The following OXCT1 variants were observed in gnomAD, a reference collection of about 807,000 sequenced individuals.
The protein encoded by OXCT1 is 3-oxoacid CoA-transferase 1, also known as succinyl-CoA:3-ketoacid coenzyme A transferase 1, mitochondrial.
OXCT1 carries 27 observed loss-of-function variants against 69.6 expected under a neutral mutation model. The observed-to-expected ratio is 0.39, with a 90% CI of 0.29 to 0.54. The LOEUF is 0.54. Ranked by LOEUF, OXCT1 falls within the 20% of genes least tolerant of loss-of-function variation. OXCT1 has a pLI of 0.72. For missense variants in OXCT1, 437 were observed against 650.2 expected, an observed-to-expected ratio of 0.67 and a Z score of 3.57; for synonymous variants, 202 against 217.8, an observed-to-expected ratio of 0.93 and a Z score of 0.64.
chr5:41,798,577 A>G (rs1399206658), intron 11 of OXCT1, among the ~76,000 whole-genome samples: 1 of 152,226 alleles, frequency 6.6e-6, no homozygotes, highest in Non-Finnish European at 1.5e-5. Context: ...ACTAGTGCAG[A>G]GAGGACATGG....
intron 13 of OXCT1, among the ~76,000 whole-genome samples, chr5:41,774,170 AAC>A (rs1347715413): frequency 6.6e-6 from 1 of 152,230 alleles, no homozygotes; most frequent in Non-Finnish European, 1.5e-5. Flanking sequence ...TTTGGAAGAA[AAC>A]ACATTCTGTT....
At chr5:41,818,570 CTCT>C (rs1747369460) in intron 7 of OXCT1, among the ~76,000 whole-genome samples, 1 of 152,170 alleles carries the variant, frequency 6.6e-6, no homozygotes, top group Admixed American at 6.6e-5. Context: ...CTGGGACAGT[CTCT>C]TCTGATTATT....
intron 13 of OXCT1, among the ~76,000 whole-genome samples, chr5:41,788,197 A>C (rs998114557): frequency 3.9e-5 from 6 of 152,186 alleles, no homozygotes; most frequent in African/African-American, 1.4e-4. Flanking sequence ...GTAGATTGTG[A>C]TTAAAATATG....
chr5:41,813,553 C>A (rs192306050), intron 7 of OXCT1, among the ~76,000 whole-genome samples: 1 of 152,074 alleles, frequency 6.6e-6, no homozygotes, highest in Middle Eastern at 3.2e-3. Flanking sequence ...CTTTGTCCTA[C>A]GCTGTTCAGT....
intron 13 of OXCT1, among the ~76,000 whole-genome samples, chr5:41,775,973 C>G (rs528705917): frequency 6.6e-6 from 1 of 151,862 alleles, no homozygotes; most frequent in Non-Finnish European, 1.5e-5. Flanking sequence ...CCACAGAGAA[C>G]GAAGTAGGGA....
intron 10 of OXCT1, among the ~76,000 whole-genome samples, chr5:41,801,956 A>G (rs942691920): frequency 2.0e-5 from 3 of 152,056 alleles, no homozygotes; most frequent in African/African-American, 7.2e-5. Flanking sequence ...ATTTTTACAT[A>G]CTTTCTAGAG....
Position 41,739,423 on chromosome 5 carries a change from A to G in OXCT1, c.1488T>C (p.Asp496=), listed in dbSNP as rs753389237. 1.2e-6 allele frequency: 2 copies of G among 1,613,354 alleles called. No homozygotes were observed. Among genetic ancestry groups the G allele is most frequent in the Non-Finnish European group, 8.5e-7 (1 of 1,179,388 alleles). ...LIELWEGLTV[D]DVQKSTGCDF... ...CACACCCAGTACTCTTCTGTACGTC[A>G]TCCACTGTCAGGCCTTCCCAGAGCT... is the stretch of plus-strand genomic sequence containing the variant. Residue 496 remains aspartate (D), a synonymous_variant, in exon 16 of 17, where the codon GAT becomes GAC. Transcript: ENST00000196371.
chr5:41,753,576 C>G (rs1743917415), intron 14 of OXCT1, among the ~76,000 whole-genome samples: 1 of 152,086 alleles, frequency 6.6e-6, no homozygotes, highest in African/African-American at 2.4e-5. Context: ...CTAGGAAAAC[C>G]TTCATCCAGC....
At chr5:41,771,386 C>CAA (rs1368008180) in intron 13 of OXCT1, among the ~76,000 whole-genome samples, 3 of 152,158 alleles carry the variant, frequency 2.0e-5, no homozygotes, top group African/African-American at 7.2e-5. Flanking sequence ...TTTCTCTTCT[C>CAA]AAGGTACAAT....
intron 16 of OXCT1, among the ~76,000 whole-genome samples, chr5:41,738,446 C>A (rs116981030): frequency 0.013 from 2,044 of 152,192 alleles, 94 homozygotes; most frequent in South Asian, 0.078. Context: ...TTATAAAGGG[C>A]AGTTTCCCTG....
At chr5:41,833,932 C>T (rs750392553) in intron 7 of OXCT1, among the ~76,000 whole-genome samples, 19 of 151,176 alleles carry the variant, frequency 1.3e-4, no homozygotes, top group South Asian at 6.3e-4. Context: ...CGTGGTGGTG[C>T]GCACCTTTAA....
At chr5:41,732,799 T>TA (rs1579617888) in intron 16 of OXCT1, among the ~76,000 whole-genome samples, 1 of 152,312 alleles carries the variant, frequency 6.6e-6, no homozygotes, top group East Asian at 1.9e-4. Flanking sequence ...TCATCAGTAT[T>TA]AAAAACTGAA....
chr5:41,752,255 T>A (rs1364486197), intron 14 of OXCT1, among the ~76,000 whole-genome samples: 1 of 152,158 alleles, frequency 6.6e-6, no homozygotes, highest in Non-Finnish European at 1.5e-5. Context: ...TAGTTCTCTC[T>A]TATCCTTTGC....
chr5:41,845,630 A>G (rs142005977), intron 5 of OXCT1, among the ~76,000 whole-genome samples: 1 of 152,314 alleles, frequency 6.6e-6, no homozygotes, highest in African/African-American at 2.4e-5. Flanking sequence ...GAATTCAGAC[A>G]AAATTAAAAA....
chr5:41,780,826 T>C (rs1368723674), intron 13 of OXCT1, among the ~76,000 whole-genome samples: 2 of 152,118 alleles, frequency 1.3e-5, no homozygotes, highest in Non-Finnish European at 2.9e-5. Flanking sequence ...ACTTAACTAA[T>C]GCAAACTCAT....
chr5:41,817,957 A>G (rs79507748), intron 7 of OXCT1, among the ~76,000 whole-genome samples: 2,539 of 152,328 alleles, frequency 0.017, 34 homozygotes, highest in Non-Finnish European at 0.026. Context: ...AGAACCACTG[A>G]ACATAAGGCA....
At position 41,850,524 on chromosome 5, in the gene OXCT1, T is replaced by A. The variant is rs866820408; in HGVS notation, c.415-345A>T. Reference sequence around the variant, plus strand: ...TCTGAATTATGAAACTTTAGTTATATATATTAAGTAATGCAGTTAAATTTT... The same window carrying A: ...TCTGAATTATGAAACTTTAGTTATAAATATTAAGTAATGCAGTTAAATTTT... On this transcript the variant is annotated intron_variant, in intron 4 of 16. Coordinates refer to ENST00000196371, the MANE Select transcript of OXCT1 (RefSeq NM_000436.4). Among the ~76,000 whole-genome samples the A allele has an allele frequency of 7.6e-4, 116 of 152,308 alleles. 1 individual carries two copies. Among genetic ancestry groups the A allele is most frequent in the African/African-American group, 1.9e-3 (78 of 41,570 alleles).
At chr5:41,796,663 A>C (rs941591790) in intron 11 of OXCT1, among the ~76,000 whole-genome samples, 1 of 152,192 alleles carries the variant, frequency 6.6e-6, no homozygotes, top group Non-Finnish European at 1.5e-5. Flanking sequence ...ATTCCAAATG[A>C]TAGAAATATT....
chr5:41,748,856 C>T (rs143187375), intron 15 of OXCT1, among the ~76,000 whole-genome samples: 28 of 152,188 alleles, frequency 1.8e-4, no homozygotes, highest in African/African-American at 6.5e-4. Context: ...AAAACACACC[C>T]TCCCAGCTGA....
Sources: allele counts gnomAD v4.1 joint callset (sites outside exome capture counted in the v4.1 genomes callset), GRCh38; gene constraint gnomAD v4.1.1; transcripts MANE v1.5; gene names NCBI Gene and HGNC (gene_info 2026-07-23, HGNC 2026-07-21).